The following ALDH8A1 variants were observed in gnomAD, a reference collection of about 807,000 sequenced individuals.
ALDH8A1 encodes the protein aldehyde dehydrogenase 8 family member A1.
A neutral mutation model predicts 43.3 loss-of-function variants in ALDH8A1; 39 were observed. The observed-to-expected ratio is 0.90, with a 90% CI of 0.70 to 1.18. ALDH8A1 has a LOEUF of 1.18. ALDH8A1 is among the 50% of genes most tolerant of loss of function. The pLI, the probability that ALDH8A1 is intolerant of heterozygous loss-of-function variation, is 0.00. For synonymous variants in ALDH8A1, 233 were observed against 243.5 expected (o/e 0.96, Z 0.40); for missense variants, 605 against 622.6 (o/e 0.97, Z 0.30).
At position 134,949,896 on chromosome 6, in the gene ALDH8A1, C is replaced by A; in HGVS notation, c.138+20G>T. 2 of 1,547,564 alleles carry A rather than the reference C, an allele frequency of 1.3e-6. No individual in the cohort carries two copies. The highest frequency in any genetic ancestry group is 1.3e-5 in the South Asian group (1 of 77,608). ...AACATATTAAACACATTTCAGTCTT[C>A]TTTAAGTGCATATACTCACCTCGTC... On this transcript the variant is annotated intron_variant, in intron 1 of 6. Coordinates refer to ENST00000265605, the MANE Select transcript of ALDH8A1 (RefSeq NM_022568.4).
chr6:134,950,041 T>C lies in ALDH8A1; in HGVS notation c.13A>G (p.Asn5Asp). The change falls in exon 1 of 7, where the codon AAC (asparagine) becomes GAC (aspartate). Residue 5 changes from asparagine (N) to aspartate (D), a missense_variant. Physicochemically the swap from Asn to Asp is conservative, Grantham distance 23. Coordinates refer to ENST00000265605, the MANE Select transcript of ALDH8A1 (RefSeq NM_022568.4). ...AAGTTTTCCAGCATCAAAAGTGCGT[T>C]TGTTCCAGCCATAGCAAGGAAAAAT... MAGT[N>D]ALLMLENFID... 6.2e-7 allele frequency: 1 copy of C among 1,612,172 alleles called. No homozygotes were observed. Among genetic ancestry groups the C allele is most frequent in the Non-Finnish European group, 8.5e-7 (1 of 1,179,082 alleles).
At position 134,945,115 on chromosome 6, in the gene ALDH8A1, A is replaced by C. The variant is rs141820313; in HGVS notation, c.139-1149T>G. Among the ~76,000 whole-genome samples, 546 of 152,142 alleles carry C rather than the reference A, an allele frequency of 3.6e-3. 5 individuals are homozygous for C. The highest frequency in any genetic ancestry group is 0.012 in the African/African-American group (500 of 41,518). The stretch of plus-strand genomic sequence containing the variant: ...TAATTATATTTATAATTTATTGACT[A>C]ATTTTTATATAAGGGAATATGCTAA... On this transcript the variant is annotated intron_variant, in intron 1 of 6. Coordinates refer to ENST00000265605, the MANE Select transcript of ALDH8A1 (RefSeq NM_022568.4).
chr6:134,938,797 G>A (rs865980833), intron 4 of ALDH8A1, among the ~76,000 whole-genome samples: 23 of 152,016 alleles, frequency 1.5e-4, no homozygotes, highest in Admixed American at 1.3e-4. Flanking sequence ...ACAGGCGCCC[G>A]CCACCACGCC....
At chr6:134,933,078 A>C (rs750398372) in intron 4 of ALDH8A1, 46 bp from the exon 5 acceptor site, 11 of 1,494,978 alleles carry the variant, frequency 7.4e-6, no homozygotes, top group Non-Finnish European at 9.7e-6. Flanking sequence ...AGTATGTTGA[A>C]GAGTTCAAGT....
chr6:134,939,836 A>G (rs1290412535), intron 3 of ALDH8A1, among the ~76,000 whole-genome samples: 1 of 152,254 alleles, frequency 6.6e-6, no homozygotes, highest in African/African-American at 2.4e-5. Context: ...ATGCTCATCA[A>G]TAATGGATTG....
intron 1 of ALDH8A1, among the ~76,000 whole-genome samples, chr6:134,946,170 C>A (rs1038833188): frequency 6.6e-6 from 1 of 152,134 alleles, no homozygotes; most frequent in African/African-American, 2.4e-5. Flanking sequence ...TTTAGCTGAG[C>A]TGAAGTAAGG....
At chr6:134,934,700 T>C (rs1039888525) in intron 4 of ALDH8A1, among the ~76,000 whole-genome samples, 15 of 152,170 alleles carry the variant, frequency 9.9e-5, no homozygotes, top group African/African-American at 3.1e-4. Flanking sequence ...GGAGAATCTC[T>C]TGAACCCAGG....
At chr6:134,927,509 G>T (rs1297067784) in intron 6 of ALDH8A1, among the ~76,000 whole-genome samples, 1 of 151,776 alleles carries the variant, frequency 6.6e-6, no homozygotes, top group African/African-American at 2.4e-5. Context: ...ACACACACAC[G>T]CGTGCATGCA....
At chr6:134,931,731 T>A (rs1188978955) in intron 5 of ALDH8A1, among the ~76,000 whole-genome samples, 1 of 152,264 alleles carries the variant, frequency 6.6e-6, no homozygotes, top group Non-Finnish European at 1.5e-5. Flanking sequence ...AAGTATATTG[T>A]CTATTGATCC....
intron 4 of ALDH8A1, among the ~76,000 whole-genome samples, chr6:134,933,746 T>G (rs1030024720): frequency 1.3e-5 from 2 of 152,214 alleles, no homozygotes; most frequent in Non-Finnish European, 2.9e-5. Flanking sequence ...TCTGGCTCTA[T>G]TGCCAAGGCT....
rs141761190 is a variant in ALDH8A1, at chr6:134,939,340, T to C, written c.518A>G (p.Asn173Ser). Residue 173 changes from asparagine to serine, a missense_variant, in exon 4 of 7, where the codon AAC becomes AGC. Transcript: ENST00000265605. ...WKIAPAMAAGNTVIAKPSELT... is the reference protein window; with the variant it reads ...WKIAPAMAAGSTVIAKPSELT... ...CTCACTGGGCTTGGCTATCACAGTG[T>C]TCCCTGCAGCCATCGCTGGAGCTAT... The C allele has an allele frequency of 2.6e-4, 415 of 1,614,110 alleles. 2 individuals are homozygous for C. The highest frequency in any genetic ancestry group is 3.2e-4 in the Non-Finnish European group (382 of 1,180,048).
chr6:134,929,292 T>C (rs1776941085), intron 5 of ALDH8A1, 77 bp from the exon 6 acceptor site: 2 of 1,510,158 alleles, frequency 1.3e-6, no homozygotes, highest in Non-Finnish European at 1.8e-6. Flanking sequence ...TTTGAGTACC[T>C]GCCATGTATC....
rs548042984 is a variant in ALDH8A1 at position 134,935,599 on chromosome 6, T to C, written c.593-2567A>G. 6.6e-5 allele frequency among the ~76,000 whole-genome samples: 10 copies of C among 152,272 alleles called. No homozygotes were observed. The South Asian group carries it at 2.1e-3, about 32-fold the overall frequency. ...GAGGTAGCAGAGTTTATTCCCTCTA[T>C]TTCCTCAGGCCTGACCTACGGTAGG... On this transcript the variant is annotated intron_variant, in intron 4 of 6. Transcript: ENST00000265605.
intron 1 of ALDH8A1, among the ~76,000 whole-genome samples, chr6:134,947,004 G>A (rs7749106): frequency 0.57 from 87,442 of 152,114 alleles, 27,573 homozygotes; most frequent in African/African-American, 0.86. Flanking sequence ...AGTAACCAAA[G>A]TAGCATGGCA....
At chr6:134,923,328 C>T (rs1453436095) in intron 6 of ALDH8A1, among the ~76,000 whole-genome samples, 1 of 149,900 alleles carries the variant, frequency 6.7e-6, no homozygotes. Context: ...CCGTGCCCAG[C>T]GAAGGTTTAT....
chr6:134,927,020 G>A (rs1455858503), intron 6 of ALDH8A1, among the ~76,000 whole-genome samples: 1 of 152,170 alleles, frequency 6.6e-6, no homozygotes, highest in African/African-American at 2.4e-5. Context: ...ATGTGCAGCA[G>A]AGCAATTGAG....
At chr6:134,946,919 G>A (rs932796612) in intron 1 of ALDH8A1, among the ~76,000 whole-genome samples, 7 of 152,126 alleles carry the variant, frequency 4.6e-5, no homozygotes, top group African/African-American at 9.7e-5. Flanking sequence ...GTTACAACTC[G>A]CTTCTTTGGA....
intron 2 of ALDH8A1, 114 bp from the exon 3 acceptor site, chr6:134,942,678 C>T: frequency 9.5e-7 from 1 of 1,050,404 alleles, no homozygotes; most frequent in East Asian, 2.6e-5. Context: ...TCCTTCTAGC[C>T]CGGGGCAGGC....
intron 5 of ALDH8A1, among the ~76,000 whole-genome samples, chr6:134,931,355 C>G (rs1266572642): frequency 6.6e-6 from 1 of 152,154 alleles, no homozygotes; most frequent in Admixed American, 6.5e-5. Flanking sequence ...CCTCCACCTC[C>G]CGGATTTAAG....
Sources: allele counts gnomAD v4.1 joint callset (sites outside exome capture counted in the v4.1 genomes callset), GRCh38; gene constraint gnomAD v4.1.1; transcripts MANE v1.5; gene names NCBI Gene and HGNC (gene_info 2026-07-23, HGNC 2026-07-21).